The following RIMS2 variants were observed in gnomAD, a reference collection of about 807,000 sequenced individuals.
RIMS2 encodes regulating synaptic membrane exocytosis protein 2.
In RIMS2, 59 loss-of-function variants were observed where a neutral mutation model predicts 174.4. The observed-to-expected ratio is 0.34, with a 90% CI of 0.27 to 0.42. The LOEUF is 0.42. RIMS2 is among the 10% of genes least tolerant of loss of function. RIMS2 has a pLI of 1.00. For synonymous variants in RIMS2, 606 were observed against 572.5 expected (o/e 1.06, Z -0.84); for missense variants, 1,620 against 1,666.3 (o/e 0.97, Z 0.48).
At chr8:103,980,014 C>G (rs1203745641) in intron 16 of RIMS2, among the ~76,000 whole-genome samples, 2 of 152,066 alleles carry the variant, frequency 1.3e-5, no homozygotes, top group Non-Finnish European at 2.9e-5. Flanking sequence ...GACACAAGGA[C>G]TACAACTCCT....
At chr8:103,644,275 G>A (rs1358658338) in intron 1 of RIMS2, among the ~76,000 whole-genome samples, 1 of 152,146 alleles carries the variant, frequency 6.6e-6, no homozygotes, top group Non-Finnish European at 1.5e-5. Context: ...GGTAAGCTGT[G>A]CAACTTTGTA....
At chr8:104,110,618 T>C (rs1399408596) in intron 19 of RIMS2, among the ~76,000 whole-genome samples, 1 of 152,172 alleles carries the variant, frequency 6.6e-6, no homozygotes, top group African/African-American at 2.4e-5. Context: ...TGAGAGGACA[T>C]TTAGCTAAAA....
At chr8:103,693,228 C>T (rs1458746179) in intron 1 of RIMS2, among the ~76,000 whole-genome samples, 2 of 152,188 alleles carry the variant, frequency 1.3e-5, no homozygotes, top group Non-Finnish European at 2.9e-5. Flanking sequence ...CACAGATTCT[C>T]TTCCTGCACC....
intron 19 of RIMS2, among the ~76,000 whole-genome samples, chr8:104,018,268 G>C (rs185877912): frequency 6.6e-6 from 1 of 152,162 alleles, no homozygotes; most frequent in African/African-American, 2.4e-5. Context: ...GGGAGAAGAG[G>C]TCAAGGCAGG....
At chr8:104,023,219 G>C (rs566142971) in intron 19 of RIMS2, among the ~76,000 whole-genome samples, 1 of 152,176 alleles carries the variant, frequency 6.6e-6, no homozygotes, top group East Asian at 1.9e-4. Context: ...TGAACTTACA[G>C]ATCATATTTA....
chr8:103,823,512 G>C (rs1276284028), intron 3 of RIMS2, among the ~76,000 whole-genome samples: 1 of 151,936 alleles, frequency 6.6e-6, no homozygotes, highest in Non-Finnish European at 1.5e-5. Flanking sequence ...AATTCACTTA[G>C]TTTAAGCGGA....
intron 3 of RIMS2, among the ~76,000 whole-genome samples, chr8:103,773,439 A>T (rs575285597): frequency 1.3e-5 from 2 of 152,328 alleles, no homozygotes; most frequent in South Asian, 4.1e-4. Flanking sequence ...GCAAATCAAG[A>T]CTATCAAGTG....
In RIMS2 at chr8:103,685,726, A is replaced by G. The variant is rs183327215; in HGVS notation, c.177-11360A>G. On this transcript the variant is annotated intron_variant, in intron 1 of 23. Coordinates refer to ENST00000504942, the Ensembl canonical transcript of RIMS2. ...TCAGTACCATGTTTACTTGATCACT[A>G]CAGCTTTTATAGTAAGTCTTCAAAT... Among the ~76,000 whole-genome samples, 396 of 152,302 alleles carry G rather than the reference A, an allele frequency of 2.6e-3. 2 individuals are homozygous for G. The highest frequency in any genetic ancestry group is 4.6e-3 in the South Asian group (22 of 4,826).
intron 19 of RIMS2, among the ~76,000 whole-genome samples, chr8:104,069,236 G>A (rs753294017): frequency 6.6e-6 from 1 of 152,142 alleles, no homozygotes; most frequent in Non-Finnish European, 1.5e-5. Flanking sequence ...TTTGAGGTAG[G>A]CTAAGCTAAG....
At chr8:103,921,435 A>G (rs188061797) in intron 9 of RIMS2, among the ~76,000 whole-genome samples, 2 of 152,278 alleles carry the variant, frequency 1.3e-5, no homozygotes, top group Non-Finnish European at 2.9e-5. Flanking sequence ...GTCTGTCTCT[A>G]CTATAACTGG....
At chr8:103,777,824 T>A (rs920986610) in intron 3 of RIMS2, among the ~76,000 whole-genome samples, 1 of 151,942 alleles carries the variant, frequency 6.6e-6, no homozygotes, top group African/African-American at 2.4e-5. Context: ...ATAAAAAAAA[T>A]CCACTCTTAA....
intron 19 of RIMS2, among the ~76,000 whole-genome samples, chr8:104,201,708 A>G (rs1003652032): frequency 2.6e-5 from 4 of 152,208 alleles, no homozygotes; most frequent in African/African-American, 4.8e-5. Flanking sequence ...AAGTGGAGAT[A>G]TAAAAATGGG....
chr8:103,927,968 G>A lies in RIMS2; in HGVS notation c.2244+79G>A, dbSNP rs2079105533. 24 of 1,166,630 alleles carry A rather than the reference G, an allele frequency of 2.1e-5. No individual in the cohort carries two copies. The South Asian group carries it at 3.1e-4, about 15-fold the overall frequency. 72.3% of individuals were successfully genotyped at this position (1,166,630 alleles called of 1,614,324 possible). ...ATGTTTTTGGAAAATGCGTTAGTAGGAAAACTTTTTTTGTTATGTTGCTCC... is the reference window on the plus strand; with the variant it reads ...ATGTTTTTGGAAAATGCGTTAGTAGAAAAACTTTTTTTGTTATGTTGCTCC... On this transcript the variant is annotated intron_variant, in intron 11 of 23. Coordinates refer to ENST00000504942, the Ensembl canonical transcript of RIMS2.
intron 1 of RIMS2, among the ~76,000 whole-genome samples, chr8:103,582,383 C>T (rs565279467): frequency 1.3e-5 from 2 of 152,148 alleles, no homozygotes; most frequent in Non-Finnish European, 2.9e-5. Flanking sequence ...TGGGGAAAAA[C>T]TCCTTCTGCT....
intron 1 of RIMS2, among the ~76,000 whole-genome samples, chr8:103,521,821 T>C (rs1271263639): frequency 6.6e-6 from 1 of 151,772 alleles, no homozygotes; most frequent in African/African-American, 2.4e-5. Flanking sequence ...TAATTCAAAA[T>C]TGAAGTAGAC....
intron 19 of RIMS2, among the ~76,000 whole-genome samples, chr8:104,081,143 G>GGCC (rs2097410516): frequency 6.6e-6 from 1 of 151,928 alleles, no homozygotes; most frequent in African/African-American, 2.4e-5. Flanking sequence ...GTGATTTTAT[G>GGCC]ATTGGCCATT....
At chr8:103,554,264 T>A (rs1431654086) in intron 1 of RIMS2, among the ~76,000 whole-genome samples, 1 of 152,036 alleles carries the variant, frequency 6.6e-6, no homozygotes, top group Non-Finnish European at 1.5e-5. Flanking sequence ...ACCTACAGAA[T>A]GGGAGAAAAT....
intron 2 of RIMS2, among the ~76,000 whole-genome samples, chr8:103,718,217 A>C (rs1277305951): frequency 6.6e-6 from 1 of 152,138 alleles, no homozygotes; most frequent in Non-Finnish European, 1.5e-5. Context: ...ACAGTCATCA[A>C]GGGAAAATAT....
intron 2 of RIMS2, among the ~76,000 whole-genome samples, chr8:103,717,750 T>A (rs2138272304): frequency 6.6e-6 from 1 of 152,306 alleles, no homozygotes; most frequent in South Asian, 2.1e-4. Flanking sequence ...ATTTGGGACA[T>A]TGCAAATAAA....
Sources: gnomAD v4.1 joint callset for allele counts (sites outside exome capture counted in the v4.1 genomes callset) on GRCh38, gnomAD v4.1.1 for gene constraint, MANE v1.5 for transcripts, NCBI Gene and HGNC (gene_info 2026-07-23, HGNC 2026-07-21) for gene names.